C21orf58: variants seen among roughly 807,000 people sequenced by gnomAD.
The protein encoded by C21orf58 is uncharacterized protein C21orf58.
C21orf58 carries 34 observed loss-of-function variants against 35.8 expected under a neutral mutation model. The observed-to-expected ratio is 0.95, with a 90% CI of 0.72 to 1.26. The LOEUF is 1.26. Ranked by LOEUF, C21orf58 falls within the 50% of genes most tolerant of loss-of-function variation. The probability of loss-of-function intolerance (pLI) is 0.00; values close to 1 mark genes in which losing one functional copy is unlikely to be tolerated. For synonymous variants in C21orf58, 191 were observed against 175.8 expected (o/e 1.09, Z -0.68); for missense variants, 440 against 414.3 (o/e 1.06, Z -0.54).
chr21:46,320,423 A>C (rs551222593), intron 1 of C21orf58, among the ~76,000 whole-genome samples: 39 of 150,324 alleles, frequency 2.6e-4, no homozygotes, highest in African/African-American at 9.3e-4. Context: ...TTAAATTATA[A>C]GATAGGGCCA....
chr21:46,300,776 A>G, downstream of C21orf58: 2 of 1,289,486 alleles, frequency 1.6e-6, no homozygotes, highest in Non-Finnish European at 2.0e-6. Flanking sequence ...GCGGAACTTC[A>G]GGAATGAAAG....
intron 5 of C21orf58, among the ~76,000 whole-genome samples, chr21:46,314,181 G>C (rs554411791): frequency 2.1e-5 from 3 of 141,398 alleles, no homozygotes; most frequent in Non-Finnish European, 4.6e-5. Flanking sequence ...GGGCTCAAGC[G>C]ATTCTCCTGC....
chr21:46,315,336 C>T, intron 4 of C21orf58, 138 bp downstream of exon 4: 1 of 652,548 alleles, frequency 1.5e-6, no homozygotes, highest in Non-Finnish European at 2.8e-6. Context: ...TCTAAGCTAA[C>T]AGTGTCCTTG....
intron 6 of C21orf58, among the ~76,000 whole-genome samples, chr21:46,309,461 CAAA>C (rs1231165345): frequency 4.4e-5 from 4 of 90,296 alleles, no homozygotes; most frequent in South Asian, 3.8e-4. Context: ...GACTCCGTCT[CAAA>C]AAAAAAAAAA....
At chr21:46,307,088 A>T (rs1399830287) in intron 6 of C21orf58, among the ~76,000 whole-genome samples, 1 of 147,034 alleles carries the variant, frequency 6.8e-6, no homozygotes, top group Non-Finnish European at 1.5e-5. Context: ...TAGACACGGG[A>T]TTTCACCATG....
At chr21:46,321,117 T>C (rs868858520) in intron 1 of C21orf58, among the ~76,000 whole-genome samples, 8 of 152,260 alleles carry the variant, frequency 5.3e-5, no homozygotes, top group Admixed American at 2.6e-4. Flanking sequence ...ATACCACATG[T>C]GTGGCTTCCC....
At position 46,314,815 on chromosome 21, in the gene C21orf58, G is replaced by T; in HGVS notation, c.510C>A (p.Leu170=). Residue 170 remains leucine (L), a synonymous_variant, in exon 5 of 8, where the codon CTC becomes CTA. Coordinates refer to ENST00000291691, the MANE Select transcript of C21orf58 (RefSeq NM_058180.5). ...GCAGCTCTGGGGGCAGGGCTGACCC[G>T]AGGGCTCCTCTGCTTGGCCCGCTCC... ...QAWSGPSRGA[L]GSALPPELPP... 1 of 1,548,362 alleles carries T rather than the reference G, an allele frequency of 6.5e-7. No individual in the cohort carries two copies. Among genetic ancestry groups the T allele is most frequent in the East Asian group, 2.4e-5 (1 of 40,880 alleles).
intron 6 of C21orf58, among the ~76,000 whole-genome samples, chr21:46,306,497 T>G (rs111258912): frequency 0.025 from 3,833 of 151,684 alleles, 81 homozygotes; most frequent in Non-Finnish European, 0.032. Flanking sequence ...CACTCCCATC[T>G]CGAAAAAAAA....
chr21:46,313,944 C>T (rs1388603570), intron 5 of C21orf58, among the ~76,000 whole-genome samples: 1 of 152,180 alleles, frequency 6.6e-6, no homozygotes, highest in East Asian at 1.9e-4. Flanking sequence ...CCCCAGCTTC[C>T]ATCCCACCTC....
rs1174782786 is a variant in C21orf58 at position 46,301,821 on chromosome 21, G to A, written c.*178C>T. The A allele has an allele frequency of 2.4e-5, 30 of 1,262,162 alleles. 1 individual carries two copies. The Admixed American group carries it at 1.2e-3, about 50-fold the overall frequency. 78.2% of individuals were successfully genotyped at this position (1,262,162 alleles called of 1,614,324 possible). A position where few individuals can be genotyped will look rare whatever the true frequency, so the allele number is the denominator to read the frequency against. On this transcript the variant is annotated 3_prime_UTR_variant, in exon 8 of 8. Coordinates refer to ENST00000291691, the MANE Select transcript of C21orf58 (RefSeq NM_058180.5). ...GGGATGCCCCCTGGAATGGCCCCGT[G>A]ACCAGAAAGCGAGCCTGCCCAGCTT...
At chr21:46,306,105 T>C (rs1228425739) in intron 6 of C21orf58, among the ~76,000 whole-genome samples, 2 of 148,598 alleles carry the variant, frequency 1.3e-5, no homozygotes, top group African/African-American at 2.5e-5. Context: ...GATGGGAATA[T>C]AATCCTGGAT....
At position 46,314,701 on chromosome 21, in the gene C21orf58, A is replaced by G; in HGVS notation, c.609+15T>C. 1 of 1,440,706 alleles carries G rather than the reference A, an allele frequency of 6.9e-7. No homozygotes were observed. Among genetic ancestry groups the G allele is most frequent in the Admixed American group, 2.7e-5 (1 of 37,102 alleles). The allele number at this position is 1,440,706 out of a possible 1,614,324, so 89.2% of individuals were successfully genotyped here. A position where few individuals can be genotyped will look rare whatever the true frequency, so the allele number is the denominator to read the frequency against. On this transcript the variant is annotated intron_variant, in intron 5 of 7. Transcript: ENST00000291691. ...CTCCCACTCTCAGATGTGCTCCTCGACTTCGCCCTCTTACCGTAGGCAGGA... is the reference window on the plus strand; with the variant it reads ...CTCCCACTCTCAGATGTGCTCCTCGGCTTCGCCCTCTTACCGTAGGCAGGA...
In C21orf58 at chr21:46,302,130, C is replaced by A; in HGVS notation, c.838G>T (p.Val280Phe). 6.6e-7 allele frequency: 1 copy of A among 1,510,680 alleles called. No homozygotes were observed. Among genetic ancestry groups the A allele is most frequent in the Non-Finnish European group, 8.9e-7 (1 of 1,128,480 alleles). 93.6% of individuals were successfully genotyped at this position (1,510,680 alleles called of 1,614,324 possible). Residue 280 changes from valine (V) to phenylalanine (F), a missense_variant, in exon 8 of 8, where the codon GTC (valine) becomes TTC (phenylalanine). Coordinates refer to ENST00000291691, the MANE Select transcript of C21orf58 (RefSeq NM_058180.5). The part of the protein sequence containing the change: ...LQDPPHVPPR[V>F]PRAARPRLPA... ...AGCCTTGGCCTGGCAGCTCGTGGGA[C>A]CCTCGGGGGCACATGTGGCGGGTCC...
intron 6 of C21orf58, among the ~76,000 whole-genome samples, chr21:46,304,849 C>T (rs138822903): frequency 6.6e-6 from 1 of 152,308 alleles, no homozygotes; most frequent in Non-Finnish European, 1.5e-5. Context: ...TAAATGGAGG[C>T]AGAAATGTGG....
Position 46,302,506 on chromosome 21 carries a change from C to A in C21orf58, c.792G>T (p.Lys264Asn). 6.2e-7 allele frequency: 1 copy of A among 1,611,950 alleles called. No homozygotes were observed. The highest frequency in any genetic ancestry group is 1.3e-5 in the African/African-American group (1 of 75,028). The change falls in exon 7 of 8, where the codon AAG (lysine) becomes AAT (asparagine). Residue 264 changes from lysine (K) to asparagine (N), a missense_variant. Transcript: ENST00000291691. ...HQLVLQNWML[K>N]ALPPALQDPP... ...CTACCTGCAGGGCTGGGGGCAGGGC[C>A]TTGAGCATCCAGTTCTGCAGGACCA...
intron 6 of C21orf58, among the ~76,000 whole-genome samples, chr21:46,306,295 T>A (rs1601649976): frequency 2.0e-5 from 3 of 150,866 alleles, no homozygotes; most frequent in East Asian, 3.9e-4. Flanking sequence ...GATCATGAGG[T>A]TCAAGACCAT....
Position 46,321,538 on chromosome 21 carries a change from T to C in C21orf58, c.100+1101A>G, listed in dbSNP as rs560667346. On this transcript the variant is annotated intron_variant, in intron 1 of 7. Transcript: ENST00000291691. ...AGACTTTCCTCGTTTTTGATGACCTTGACAGTTTCGAAGAGTACTGGGCAG... is the reference window on the plus strand; with the variant it reads ...AGACTTTCCTCGTTTTTGATGACCTCGACAGTTTCGAAGAGTACTGGGCAG... Among the ~76,000 whole-genome samples, 41 of 152,332 alleles carry C rather than the reference T, an allele frequency of 2.7e-4. 2 individuals are homozygous for C. In the South Asian group the frequency reaches 7.7e-3, roughly 28 times the overall value.
At chr21:46,305,720 A>G (rs532127745) in intron 6 of C21orf58, among the ~76,000 whole-genome samples, 136 of 150,928 alleles carry the variant, frequency 9.0e-4, no homozygotes, top group Admixed American at 1.4e-3. Flanking sequence ...TGGGCGGATC[A>G]TGAGGTTAGA....
chr21:46,317,437 C>G, intron 2 of C21orf58, 169 bp from the exon 3 acceptor site: 1 of 1,183,838 alleles, frequency 8.4e-7, no homozygotes. Context: ...TCTCCCTGAG[C>G]TGCCTCTGTA....
Sources: allele counts gnomAD v4.1 joint callset (sites outside exome capture counted in the v4.1 genomes callset), GRCh38; gene constraint gnomAD v4.1.1; transcripts MANE v1.5; gene names NCBI Gene and HGNC (gene_info 2026-07-23, HGNC 2026-07-21).